The following ROBO1 variants were observed in gnomAD, a reference collection of about 807,000 sequenced individuals.
ROBO1 encodes roundabout homolog 1.
Under a neutral mutation model 195.9 loss-of-function variants are expected in ROBO1, and 149 were observed. That is an observed-to-expected ratio of 0.76 (90% CI 0.67 to 0.87). The LOEUF is 0.87. Among genes scored for constraint, ROBO1 ranks in the 40% least tolerant of loss-of-function variants. ROBO1 has a pLI of 0.00. For missense variants in ROBO1, 1,933 were observed against 2,068.3 expected (o/e 0.93, Z 1.27); for synonymous variants, 816 against 733.2 (o/e 1.11, Z -1.82).
At chr3:79,293,416 G>T (rs1378813782) in intron 2 of ROBO1, among the ~76,000 whole-genome samples, 1 of 151,972 alleles carries the variant, frequency 6.6e-6, no homozygotes, top group Non-Finnish European at 1.5e-5. Context: ...CTTGTCTTCT[G>T]CTAGCTTTTG....
chr3:79,571,397 G>A (rs911227782), intron 2 of ROBO1, among the ~76,000 whole-genome samples: 5 of 151,978 alleles, frequency 3.3e-5, no homozygotes, highest in Non-Finnish European at 5.9e-5. Context: ...CTTCAATAGC[G>A]TATATGGGAA....
intron 2 of ROBO1, among the ~76,000 whole-genome samples, chr3:79,439,696 C>T (rs537330507): frequency 5.3e-5 from 8 of 151,804 alleles, no homozygotes; most frequent in African/African-American, 7.3e-5. Flanking sequence ...TCTCTTTTAC[C>T]GCAATACATC....
intron 2 of ROBO1, among the ~76,000 whole-genome samples, chr3:79,525,274 A>G (rs1002452457): frequency 1.3e-5 from 2 of 150,234 alleles, no homozygotes; most frequent in African/African-American, 2.4e-5. Context: ...GTATAATTAC[A>G]TATATATTTA....
intron 1 of ROBO1, among the ~76,000 whole-genome samples, chr3:79,597,646 A>T (rs1944220190): frequency 6.6e-6 from 1 of 152,106 alleles, no homozygotes; most frequent in Non-Finnish European, 1.5e-5. Context: ...CCAAACTATT[A>T]CATCCTTGAC....
At chr3:79,600,591 G>T (rs750755557) in intron 1 of ROBO1, among the ~76,000 whole-genome samples, 3 of 151,768 alleles carry the variant, frequency 2.0e-5, no homozygotes, top group Non-Finnish European at 2.9e-5. Flanking sequence ...TTTTAGAGGG[G>T]GTTGCTGTGA....
At chr3:79,127,187 G>T (rs1286683674) in intron 2 of ROBO1, among the ~76,000 whole-genome samples, 2 of 152,084 alleles carry the variant, frequency 1.3e-5, no homozygotes, top group Non-Finnish European at 2.9e-5. Flanking sequence ...CTTATTACAC[G>T]CACACGTTGT....
intron 2 of ROBO1, among the ~76,000 whole-genome samples, chr3:79,460,334 T>C (rs1937590385): frequency 6.6e-6 from 1 of 152,314 alleles, no homozygotes; most frequent in South Asian, 2.1e-4. Flanking sequence ...TGTGGCCCAA[T>C]TTACAAAATC....
intron 5 of ROBO1, among the ~76,000 whole-genome samples, chr3:78,746,471 TAA>T (rs2082659153): frequency 6.6e-6 from 1 of 152,160 alleles, no homozygotes; most frequent in Admixed American, 6.5e-5. Context: ...CGACAATAAT[TAA>T]GTCATACATA....
chr3:79,253,845 GT>G (rs2082777189), intron 2 of ROBO1, among the ~76,000 whole-genome samples: 1 of 152,178 alleles, frequency 6.6e-6, no homozygotes, highest in Non-Finnish European at 1.5e-5. Context: ...ACTCACATGT[GT>G]AAAACATATG....
chr3:79,560,386 G>A, intron 2 of ROBO1, among the ~76,000 whole-genome samples: 1 of 103,710 alleles, frequency 9.6e-6, no homozygotes, highest in Non-Finnish European at 1.8e-5. Flanking sequence ...ACTGTTGTGG[G>A]GTGGGGGGAG....
At chr3:78,599,179 A>C (rs1703019232) in intron 30 of ROBO1, among the ~76,000 whole-genome samples, 1 of 152,152 alleles carries the variant, frequency 6.6e-6, no homozygotes, top group African/African-American at 2.4e-5. Context: ...GGCTCTGAGA[A>C]GCGGGAAGGA....
At chr3:78,858,265 C>T (rs1158699271) in intron 4 of ROBO1, among the ~76,000 whole-genome samples, 1 of 152,066 alleles carries the variant, frequency 6.6e-6, no homozygotes, top group African/African-American at 2.4e-5. Context: ...AATTCCCAAA[C>T]CCCTAAAACT....
At chr3:79,765,454 C>G (rs1396934548) in intron 1 of ROBO1, among the ~76,000 whole-genome samples, 1 of 151,990 alleles carries the variant, frequency 6.6e-6, no homozygotes, top group Non-Finnish European at 1.5e-5. Context: ...CTGCCTCTTC[C>G]CTTTAACAAA....
chr3:79,529,496 AT>A (rs1437205404), intron 2 of ROBO1, among the ~76,000 whole-genome samples: 1 of 152,198 alleles, frequency 6.6e-6, no homozygotes, highest in African/African-American at 2.4e-5. Context: ...AACAACAACA[AT>A]AAAAAAAAGA....
intron 19 of ROBO1, among the ~76,000 whole-genome samples, chr3:78,648,977 GTCCCCAATTTATACCCTGGC>G (rs1490808433): frequency 2.6e-5 from 4 of 152,006 alleles, no homozygotes; most frequent in African/African-American, 9.7e-5. Context: ...TCAGTGCTGT[GTCCCCAATTTATACCCTGGC>G]CTTCGTGTGC....
At chr3:78,615,887 T>C (rs973222412) in intron 27 of ROBO1, among the ~76,000 whole-genome samples, 1 of 152,218 alleles carries the variant, frequency 6.6e-6, no homozygotes, top group Admixed American at 6.5e-5. Flanking sequence ...CGTCATTCCC[T>C]GAAAAGACAC....
intron 2 of ROBO1, among the ~76,000 whole-genome samples, chr3:79,160,177 A>G (rs1462004355): frequency 6.6e-6 from 1 of 151,864 alleles, no homozygotes; most frequent in African/African-American, 2.4e-5. Flanking sequence ...TACCATAATA[A>G]TTGATTTCTC....
chr3:79,246,331 T>C lies in ROBO1; in HGVS notation c.89-120792A>G, dbSNP rs545991309. Among the ~76,000 whole-genome samples the C allele has an allele frequency of 2.6e-5, 4 of 152,256 alleles. No individual in the cohort carries two copies. The South Asian group carries it at 8.3e-4, about 32-fold the overall frequency. On this transcript the variant is annotated intron_variant, in intron 2 of 30. Transcript: ENST00000464233. Reference sequence around the variant, plus strand: ...ATGAGAAAATGAAGGGAAACTTAGATGTTGTGGCTGATTAGTTGCAGAGTT... The same window carrying C: ...ATGAGAAAATGAAGGGAAACTTAGACGTTGTGGCTGATTAGTTGCAGAGTT...
intron 1 of ROBO1, among the ~76,000 whole-genome samples, chr3:79,764,750 T>C (rs1487137144): frequency 6.6e-6 from 1 of 152,236 alleles, no homozygotes; most frequent in Non-Finnish European, 1.5e-5. Flanking sequence ...ATAGCTTCCT[T>C]TTCATCTCTG....
Sources: allele counts gnomAD v4.1 joint callset (sites outside exome capture counted in the v4.1 genomes callset), GRCh38; gene constraint gnomAD v4.1.1; transcripts MANE v1.5; gene names NCBI Gene and HGNC (gene_info 2026-07-23, HGNC 2026-07-21).